MRC1: variants seen among roughly 807,000 people sequenced by gnomAD.
MRC1 encodes the protein mannose receptor C-type 1.
A neutral mutation model predicts 102.9 loss-of-function variants in MRC1; 62 were observed. The ratio of observed to expected loss-of-function variants is 0.60; its 90% confidence interval spans 0.49 to 0.74. MRC1 has a LOEUF of 0.74. MRC1 is among the 30% of genes least tolerant of loss of function. The pLI, the probability that MRC1 is intolerant of heterozygous loss-of-function variation, is 0.00. For missense variants in MRC1, 1,237 were observed against 862.8 expected (o/e 1.43, Z -5.43); for synonymous variants, 457 against 298.4 (o/e 1.53, Z -5.48).
chr10:17,907,842 G>T (rs946511241), intron 28 of MRC1, 144 bp downstream of exon 28: 1 of 707,802 alleles, frequency 1.4e-6, no homozygotes, highest in Non-Finnish European at 2.6e-6. Context: ...TTCTGCCGTT[G>T]TAGTTCATTA....
At position 17,849,718 on chromosome 10, in the gene MRC1, C is replaced by T; in HGVS notation, c.1203C>T (p.Ile401=). ...AGGAAGGCGGTGACCTCACAAGTATCCACACCATCGAGGAATTGGACTTTA... is the reference window on the plus strand; with the variant it reads ...AGGAAGGCGGTGACCTCACAAGTATTCACACCATCGAGGAATTGGACTTTA... ...CRKEGGDLTS[I]HTIEELDFII... is the part of the protein sequence containing the mutation. Residue 401 remains isoleucine (I), a synonymous_variant, in exon 7 of 30, where the codon ATC becomes ATT. Transcript: ENST00000569591. 1 of 780,954 alleles carries T rather than the reference C, an allele frequency of 1.3e-6. No individual in the cohort carries two copies. Among genetic ancestry groups the T allele is most frequent in the Non-Finnish European group, 2.4e-6 (1 of 418,116 alleles). The allele number at this position is 780,954 out of a possible 1,614,324, so 48.4% of individuals were successfully genotyped here. A position where few individuals can be genotyped will look rare whatever the true frequency, so the allele number is the denominator to read the frequency against.
intron 5 of MRC1, among the ~76,000 whole-genome samples, chr10:17,844,715 AC>A (rs34433504): frequency 0.12 from 18,057 of 151,998 alleles, 1,090 homozygotes; most frequent in Middle Eastern, 0.17. Flanking sequence ...AGTTTTCCAA[AC>A]TTTGTTACCC....
At position 17,873,775 on chromosome 10, in the gene MRC1, G is replaced by C; in HGVS notation, c.2345-9G>C. 1 of 872,482 alleles carries C rather than the reference G, an allele frequency of 1.1e-6. No homozygotes were observed. The highest frequency in any genetic ancestry group is 2.0e-6 in the Non-Finnish European group (1 of 501,314). 54.0% of individuals were successfully genotyped at this position (872,482 alleles called of 1,614,324 possible). On this transcript the variant is annotated splice_polypyrimidine_tract_variant and intron_variant, in intron 15 of 29. Transcript: ENST00000569591. The stretch of plus-strand genomic sequence containing the variant: ...TACACTTTATTTCTATTTTTCTCTT[G>C]TTTTACAGGACAAACACCAAAACCT...
chr10:17,853,164 A>G (rs1482921310), intron 8 of MRC1, 40 bp downstream of exon 8: 4 of 779,072 alleles, frequency 5.1e-6, no homozygotes, highest in South Asian at 1.3e-5. Context: ...AATGAAAGTC[A>G]CGGGGGATTT....
intron 14 of MRC1, among the ~76,000 whole-genome samples, chr10:17,871,294 T>G (rs1260870668): frequency 5.9e-5 from 9 of 152,182 alleles, no homozygotes; most frequent in African/African-American, 1.9e-4. Context: ...TTAATTTCAG[T>G]TCTGCCTCCA....
chr10:17,881,790 C>T (rs1554842449), intron 21 of MRC1, among the ~76,000 whole-genome samples: 1 of 137,698 alleles, frequency 7.3e-6, no homozygotes, highest in Non-Finnish European at 1.5e-5. Flanking sequence ...TCCTCAGTAG[C>T]TAGGGCAGGC....
intron 7 of MRC1, among the ~76,000 whole-genome samples, chr10:17,852,378 A>C (rs914546045): frequency 6.6e-6 from 1 of 152,178 alleles, no homozygotes. Flanking sequence ...GTCAGGTGCA[A>C]GTCTCACCTC....
chr10:17,852,874 T>G, intron 7 of MRC1, 93 bp from the exon 8 acceptor site: 1 of 777,928 alleles, frequency 1.3e-6, no homozygotes. Flanking sequence ...GGTAGAGCCC[T>G]GTTGATAAAG....
At chr10:17,874,279 C>A (rs1290821070) in intron 16 of MRC1, among the ~76,000 whole-genome samples, 1 of 152,204 alleles carries the variant, frequency 6.6e-6, no homozygotes, top group African/African-American at 2.4e-5. Context: ...TTTCCAGCAT[C>A]TAGAGCTACA....
intron 23 of MRC1, among the ~76,000 whole-genome samples, chr10:17,895,949 T>A (rs1231771150): frequency 6.6e-6 from 1 of 152,230 alleles, no homozygotes; most frequent in Admixed American, 6.5e-5. Flanking sequence ...AGGGGCAGGT[T>A]ATTCAAAAAT....
At chr10:17,872,352 G>A (rs1011146410) in intron 15 of MRC1, among the ~76,000 whole-genome samples, 2 of 152,162 alleles carry the variant, frequency 1.3e-5, no homozygotes, top group East Asian at 1.9e-4. Context: ...CAAGAGTCAC[G>A]TCCTTCCAAA....
chr10:17,847,950 A>T (rs1324544463), intron 6 of MRC1, among the ~76,000 whole-genome samples: 1 of 145,948 alleles, frequency 6.9e-6, no homozygotes, highest in Non-Finnish European at 1.5e-5. Context: ...AACCACTGGA[A>T]GTGCACAGAA....
At chr10:17,813,347 T>G (rs1838254126) in intron 1 of MRC1, among the ~76,000 whole-genome samples, 2 of 152,188 alleles carry the variant, frequency 1.3e-5, no homozygotes, top group Non-Finnish European at 2.9e-5. Context: ...ATCCTGATAC[T>G]CCTCTATTTC....
chr10:17,816,981 C>T (rs1312407847), intron 1 of MRC1, among the ~76,000 whole-genome samples: 1 of 152,086 alleles, frequency 6.6e-6, no homozygotes, highest in Non-Finnish European at 1.5e-5. Flanking sequence ...GGCGCGGTGG[C>T]TCATGCCTGT....
In MRC1 at chr10:17,875,125, A is replaced by G; in HGVS notation, c.2422A>G (p.Lys808Glu). ...PVTEDGWVIY[K>E]DYQYYFSKEK... ...TACTGAAGATGGGTGGGTTATTTACAAAGACTACCAGTATTATTTCAGCAA... is the reference window on the plus strand; with the variant it reads ...TACTGAAGATGGGTGGGTTATTTACGAAGACTACCAGTATTATTTCAGCAA... Residue 808 changes from lysine (K) to glutamate (E), a missense_variant, in exon 17 of 30, where the codon AAA becomes GAA. Lys to Glu is a moderately conservative substitution (Grantham distance 56). Coordinates refer to ENST00000569591, the MANE Select transcript of MRC1 (RefSeq NM_002438.4). 1 of 780,850 alleles carries G rather than the reference A, an allele frequency of 1.3e-6. No individual in the cohort carries two copies. Among genetic ancestry groups the G allele is most frequent in the South Asian group, 1.3e-5 (1 of 74,620 alleles). The allele number at this position is 780,850 out of a possible 1,614,324, so 48.4% of individuals were successfully genotyped here.
At chr10:17,837,419 A>T (rs1442057696) in intron 4 of MRC1, among the ~76,000 whole-genome samples, 1 of 152,214 alleles carries the variant, frequency 6.6e-6, no homozygotes, top group Non-Finnish European at 1.5e-5. Context: ...AAAGAAAGGG[A>T]TGATACTCAG....
At chr10:17,867,054 T>C (rs2130669788) in intron 12 of MRC1, among the ~76,000 whole-genome samples, 1 of 151,638 alleles carries the variant, frequency 6.6e-6, no homozygotes, top group East Asian at 2.0e-4. Context: ...TCCCAGGCCT[T>C]CTAGATCTGC....
chr10:17,866,732 G>T lies in MRC1; in HGVS notation c.1954G>T (p.Ala652Ser). 1.3e-6 allele frequency: 1 copy of T among 780,810 alleles called. No homozygotes were observed. Among genetic ancestry groups the T allele is most frequent in the Non-Finnish European group, 2.4e-6 (1 of 417,958 alleles). The allele number at this position is 780,810 out of a possible 1,614,324, so 48.4% of individuals were successfully genotyped here. Residue 652 changes from alanine to serine, a missense_variant, in exon 12 of 30, where the codon GCC (alanine) becomes TCC (serine). Ala to Ser is a moderately conservative substitution (Grantham distance 99). Coordinates refer to ENST00000569591, the MANE Select transcript of MRC1 (RefSeq NM_002438.4). ...PEPKCPEDWG[A>S]SSRTSLCFKL... ...ACCCAAATGTCCGGAGGATTGGGGC[G>T]CCAGCAGTAGAACAAGCTTGTGTTT...
At chr10:17,855,151 A>G (rs956696289) in intron 8 of MRC1, among the ~76,000 whole-genome samples, 1 of 152,214 alleles carries the variant, frequency 6.6e-6, no homozygotes, top group African/African-American at 2.4e-5. Flanking sequence ...AATAGGAAGA[A>G]GGCAGAAAAG....
Sources: allele counts gnomAD v4.1 joint callset (sites outside exome capture counted in the v4.1 genomes callset), GRCh38; gene constraint gnomAD v4.1.1; transcripts MANE v1.5; gene names NCBI Gene and HGNC (gene_info 2026-07-23, HGNC 2026-07-21).